TRIM13: variants seen among roughly 807,000 people sequenced by gnomAD.
TRIM13 encodes the protein E3 ubiquitin-protein ligase TRIM13.
TRIM13 carries 15 observed loss-of-function variants against 27.1 expected under a neutral mutation model. That is an observed-to-expected ratio of 0.55 (90% CI 0.37 to 0.85). The LOEUF (loss-of-function observed/expected upper bound fraction) is 0.85. Among genes scored for constraint, TRIM13 ranks in the 40% least tolerant of loss-of-function variants. TRIM13 has a pLI of 0.00. For missense variants in TRIM13, 402 were observed against 472.2 expected, an observed-to-expected ratio of 0.85 and a Z score of 1.38; for synonymous variants, 193 against 171.5, an observed-to-expected ratio of 1.13 and a Z score of -0.98.
chr13:50,004,922 A>C (rs1874488709), intron 1 of TRIM13, among the ~76,000 whole-genome samples: 1 of 151,862 alleles, frequency 6.6e-6, no homozygotes, highest in Non-Finnish European at 1.5e-5. Context: ...CTAAAAATAC[A>C]AAAATTAGCC....
chr13:50,013,455 T>C lies in TRIM13; in HGVS notation c.*291T>C. 4.0e-6 allele frequency: 1 copy of C among 252,380 alleles called. No individual in the cohort carries two copies. Among genetic ancestry groups the C allele is most frequent in the Non-Finnish European group, 8.1e-6 (1 of 122,980 alleles). The allele number at this position is 252,380 out of a possible 1,614,324, so 15.6% of individuals were successfully genotyped here. On this transcript the variant is annotated 3_prime_UTR_variant, in exon 2 of 2. Transcript: ENST00000378182. ...AGGTGAGAGATCATATGATCTAATA[T>C]TGTATTGATGGAAGTATAGGTAGTA...
In TRIM13 at chr13:50,012,734, C is replaced by G. The variant is rs766359550; in HGVS notation, c.794C>G (p.Thr265Ser). The G allele has an allele frequency of 1.5e-5, 24 of 1,613,954 alleles. No individual in the cohort carries two copies. In the South Asian group the frequency reaches 2.2e-4, roughly 15 times the overall value. The change falls in exon 2 of 2, where the codon ACT becomes AGT. Residue 265 changes from threonine to serine, a missense_variant. Transcript: ENST00000378182. ...GAGAAAATCAAAGTAATCAAGGAAA[C>G]TCCTTTACCTCCCTCTAATTTGCCT... ...FREKIKVIKE[T>S]PLPPSNLPAS...
intron 1 of TRIM13, among the ~76,000 whole-genome samples, chr13:50,003,263 A>G (rs1874275588): frequency 6.6e-6 from 1 of 152,210 alleles, no homozygotes; most frequent in Admixed American, 6.5e-5. Context: ...CTTGCCTTCA[A>G]AGATGCCTCA....
rs1173935698 is a variant in TRIM13, at chr13:50,014,313, C to CAA, written c.*1180_*1181dup. 3.3e-3 allele frequency: 64 copies of CAA among 19,298 alleles called. 14 individuals are homozygous for CAA. Among genetic ancestry groups the CAA allele is most frequent in the East Asian group, 0.018 (7 of 384 alleles). The allele number at this position is 19,298 out of a possible 1,614,324, so 1.2% of individuals were successfully genotyped here. A position where few individuals can be genotyped will look rare whatever the true frequency, so the allele number is the denominator to read the frequency against. Reference sequence around the variant, plus strand: ...AAACATAGCAAGACCCAGTCTCTACCAAAAAAAAAAAAAAAAAAAAAAAAA... The same window carrying CAA: ...AAACATAGCAAGACCCAGTCTCTACCAAAAAAAAAAAAAAAAAAAAAAAAAAA... On this transcript the variant is annotated 3_prime_UTR_variant, in exon 2 of 2. Transcript: ENST00000378182.
chr13:50,011,839 A>T (rs1337967094), intron 1 of TRIM13, 96 bp from the exon 2 acceptor site: 1 of 1,409,184 alleles, frequency 7.1e-7, no homozygotes, highest in Non-Finnish European at 9.5e-7. Context: ...TTTCAGTGAA[A>T]AATCATTTTA....
rs757792566 is a variant in TRIM13, at chr13:50,017,568, A to G, written c.*4404A>G. On this transcript the variant is annotated 3_prime_UTR_variant, in exon 2 of 2. Transcript: ENST00000378182. ...AAAATCAGAAGCTATTTTTAAAATTAGCATTTTCTTGCATCACCAAATGGT... is the reference window on the plus strand; with the variant it reads ...AAAATCAGAAGCTATTTTTAAAATTGGCATTTTCTTGCATCACCAAATGGT... 5 of 167,022 alleles carry G rather than the reference A, an allele frequency of 3.0e-5. No individual in the cohort carries two copies. The highest frequency in any genetic ancestry group is 7.3e-5 in the Non-Finnish European group (5 of 68,108). 10.3% of individuals were successfully genotyped at this position (167,022 alleles called of 1,614,324 possible).
rs33989231 is a variant in TRIM13, at chr13:50,013,518, C to CTTTTT, written c.*372_*376dup. The CTTTTT allele has an allele frequency of 6.9e-5, 6 of 86,604 alleles. 1 individual carries two copies. Among genetic ancestry groups the CTTTTT allele is most frequent in the Non-Finnish European group, 8.1e-5 (3 of 36,900 alleles). The allele number at this position is 86,604 out of a possible 1,614,324, so 5.4% of individuals were successfully genotyped here. On this transcript the variant is annotated 3_prime_UTR_variant, in exon 2 of 2. Coordinates refer to ENST00000378182, the MANE Select transcript of TRIM13 (RefSeq NM_213590.3). ...TTCTTCAAGCATGCAGTAAAGATCACTTTTTTTTTTTTTTTTTTTTTTGAG... is the reference window on the plus strand; with the variant it reads ...TTCTTCAAGCATGCAGTAAAGATCACTTTTTTTTTTTTTTTTTTTTTTTTTTTGAG...
rs558890053 is a variant in TRIM13 at position 50,017,691 on chromosome 13, C to T, written c.*4527C>T. Reference sequence around the variant, plus strand: ...AAAGTAGAGATAGCCAATCTGAATACGGTGAAATTATGGGGATCTCTGGTG... The same window carrying T: ...AAAGTAGAGATAGCCAATCTGAATATGGTGAAATTATGGGGATCTCTGGTG... On this transcript the variant is annotated 3_prime_UTR_variant, in exon 2 of 2. Transcript: ENST00000378182. 8 of 167,082 alleles carry T rather than the reference C, an allele frequency of 4.8e-5. No individual in the cohort carries two copies. The highest frequency in any genetic ancestry group is 7.2e-5 in the African/African-American group (3 of 41,548). The allele number at this position is 167,082 out of a possible 1,614,324, so 10.3% of individuals were successfully genotyped here.
intron 1 of TRIM13, among the ~76,000 whole-genome samples, chr13:50,011,426 T>C (rs1464729453): frequency 6.6e-6 from 1 of 152,252 alleles, no homozygotes; most frequent in African/African-American, 2.4e-5. Context: ...TTAAAAATTG[T>C]AATCTTGCCT....
chr13:50,001,692 T>C (rs1874064542), intron 1 of TRIM13, among the ~76,000 whole-genome samples: 1 of 152,226 alleles, frequency 6.6e-6, no homozygotes, highest in African/African-American at 2.4e-5. Context: ...ATATTAATTT[T>C]CATTTTTAGA....
Position 50,015,707 on chromosome 13 carries a change from T to G in TRIM13, c.*2543T>G, listed in dbSNP as rs200994762. 9.3e-6 allele frequency: 15 copies of G among 1,614,108 alleles called. No individual in the cohort carries two copies. Among genetic ancestry groups the G allele is most frequent in the Non-Finnish European group, 1.0e-5 (12 of 1,179,946 alleles). Reference sequence around the variant, plus strand: ...TTTTTTGAGAACTCACCAGCTTTTATTACCCACTGAATTTTCAGACTATCT... The same window carrying G: ...TTTTTTGAGAACTCACCAGCTTTTAGTACCCACTGAATTTTCAGACTATCT... On this transcript the variant is annotated 3_prime_UTR_variant, in exon 2 of 2. Transcript: ENST00000378182.
intron 1 of TRIM13, among the ~76,000 whole-genome samples, chr13:50,004,512 C>T (rs184553334): frequency 6.6e-6 from 1 of 152,234 alleles, no homozygotes; most frequent in Non-Finnish European, 1.5e-5. Context: ...CCTGTAATCC[C>T]AGCACTTTAG....
rs1876281681 is a variant in TRIM13 at position 50,015,092 on chromosome 13, AAAAT to A, written c.*1930_*1933del. 3 of 23,418 alleles carry A rather than the reference AAAAT, an allele frequency of 1.3e-4. No homozygotes were observed. Among genetic ancestry groups the A allele is most frequent in the South Asian group, 2.5e-3 (1 of 396 alleles). The allele number at this position is 23,418 out of a possible 1,614,324, so 1.5% of individuals were successfully genotyped here. On this transcript the variant is annotated 3_prime_UTR_variant, in exon 2 of 2. Transcript: ENST00000378182. ...CCCAGTAATAAAAAAAAAAAAAAAA[AAAAT>A]ATATATATATATATATATATATATA... is the stretch of plus-strand genomic sequence containing the variant.
chr13:49,999,238 G>C (rs1359177114), intron 1 of TRIM13, among the ~76,000 whole-genome samples: 1 of 152,076 alleles, frequency 6.6e-6, no homozygotes, highest in African/African-American at 2.4e-5. Flanking sequence ...ATTAGGGTGG[G>C]AGGGCCAGTC....
chr13:50,012,740 T>TA lies in TRIM13; in HGVS notation c.801dup (p.Pro268ThrfsTer4). On this transcript the variant is annotated frameshift_variant, in exon 2 of 2. Transcript: ENST00000378182. LOFTEE classifies it high-confidence loss of function. ...ATCAAAGTAATCAAGGAAACTCCTT[T>TA]ACCTCCCTCTAATTTGCCTGCAAGC... is the stretch of plus-strand genomic sequence containing the variant. 6.2e-7 allele frequency: 1 copy of TA among 1,614,114 alleles called. No individual in the cohort carries two copies.
At position 50,015,065 on chromosome 13, in the gene TRIM13, C is replaced by T. The variant is rs1212180183; in HGVS notation, c.*1901C>T. The T allele has an allele frequency of 1.8e-5, 2 of 113,592 alleles. No individual in the cohort carries two copies. Among genetic ancestry groups the T allele is most frequent in the African/African-American group, 7.1e-5 (2 of 28,242 alleles). 7.0% of individuals were successfully genotyped at this position (113,592 alleles called of 1,614,324 possible). A position where few individuals can be genotyped will look rare whatever the true frequency, so the allele number is the denominator to read the frequency against. Reference sequence around the variant, plus strand: ...TATGGGGAGGGAGAATGCTTTTCCCCTCCCAGTAATAAAAAAAAAAAAAAA... The same window carrying T: ...TATGGGGAGGGAGAATGCTTTTCCCTTCCCAGTAATAAAAAAAAAAAAAAA... On this transcript the variant is annotated 3_prime_UTR_variant, in exon 2 of 2. Transcript: ENST00000378182.
At chr13:50,003,321 T>C (rs1874281595) in intron 1 of TRIM13, among the ~76,000 whole-genome samples, 1 of 152,154 alleles carries the variant, frequency 6.6e-6, no homozygotes, top group Non-Finnish European at 1.5e-5. Context: ...AAGCGTGATA[T>C]ATTTATTGGC....
chr13:50,013,098 C>A lies in TRIM13; in HGVS notation c.1158C>A (p.Phe386Leu). 1.9e-6 allele frequency: 3 copies of A among 1,612,432 alleles called. No individual in the cohort carries two copies. Among genetic ancestry groups the A allele is most frequent in the Non-Finnish European group, 2.5e-6 (3 of 1,179,516 alleles). The change falls in exon 2 of 2, where the codon TTC (phenylalanine) becomes TTA (leucine). Residue 386 changes from phenylalanine to leucine, a missense_variant. By Grantham distance (22) the Phe-to-Leu change is conservative. Coordinates refer to ENST00000378182, the MANE Select transcript of TRIM13 (RefSeq NM_213590.3). ...TDGFFIFNER[F>L]KNFTLVVLNN... is the part of the protein sequence containing the mutation. Reference sequence around the variant, plus strand: ...GGTTTTTCATTTTCAATGAAAGATTCAAGAATTTTACTTTGGTGGTACTGA... The same window carrying A: ...GGTTTTTCATTTTCAATGAAAGATTAAAGAATTTTACTTTGGTGGTACTGA...
intron 1 of TRIM13, among the ~76,000 whole-genome samples, chr13:50,001,395 G>A (rs1174013745): frequency 1.3e-5 from 2 of 152,038 alleles, no homozygotes; most frequent in Non-Finnish European, 1.5e-5. Context: ...CTGAACTAGC[G>A]AGGTAATGAG....
Sources: gnomAD v4.1 joint callset for allele counts (sites outside exome capture counted in the v4.1 genomes callset) on GRCh38, gnomAD v4.1.1 for gene constraint, MANE v1.5 for transcripts, NCBI Gene and HGNC (gene_info 2026-07-23, HGNC 2026-07-21) for gene names.